The following NR1D2 variants were observed in gnomAD, a reference collection of about 807,000 sequenced individuals.
The protein encoded by NR1D2 is nuclear receptor subfamily 1 group D member 2.
Under a neutral mutation model 52.2 loss-of-function variants are expected in NR1D2, and 25 were observed. The observed-to-expected ratio is 0.48, with a 90% CI of 0.35 to 0.67. The LOEUF (loss-of-function observed/expected upper bound fraction) is 0.67. Ranked by LOEUF, NR1D2 falls within the 30% of genes least tolerant of loss-of-function variation. The pLI is 0.01. For synonymous variants in NR1D2, 259 were observed against 230.1 expected, an observed-to-expected ratio of 1.13 and a Z score of -1.14; for missense variants, 681 against 707.2, an observed-to-expected ratio of 0.96 and a Z score of 0.42.
Position 23,978,212 on chromosome 3 carries a change from A to G in NR1D2, c.*793A>G, listed in dbSNP as rs559764503. The stretch of plus-strand genomic sequence containing the variant: ...CGTATTCAAAGTTTATGGGTACAAC[A>G]AAGACATAGTACATGTACATAATAT... On this transcript the variant is annotated 3_prime_UTR_variant, in exon 8 of 8. Coordinates refer to ENST00000312521, the MANE Select transcript of NR1D2 (RefSeq NM_005126.5). The G allele has an allele frequency of 2.1e-4, 32 of 152,320 alleles. No homozygotes were observed. The South Asian group carries it at 6.2e-3, about 30-fold the overall frequency. The allele number at this position is 152,320 out of a possible 1,614,324, so 9.4% of individuals were successfully genotyped here.
At chr3:23,956,207 A>G in intron 3 of NR1D2, 82 bp downstream of exon 3, 1 of 1,073,696 alleles carries the variant, frequency 9.3e-7, no homozygotes, top group East Asian at 2.4e-5. Flanking sequence ...TGTGCAATTG[A>G]TAGTCTGAGA....
At chr3:23,949,369 A>G (rs1030870276) in intron 1 of NR1D2, among the ~76,000 whole-genome samples, 1 of 152,016 alleles carries the variant, frequency 6.6e-6, no homozygotes, top group African/African-American at 2.4e-5. Flanking sequence ...CGTCTGAAAA[A>G]AAAAAACAAC....
In NR1D2 at chr3:23,958,819, C is replaced by T. The variant is rs532610437; in HGVS notation, c.373-852C>T. Among the ~76,000 whole-genome samples the T allele has an allele frequency of 4.0e-5, 6 of 151,718 alleles. No homozygotes were observed. In the East Asian group the frequency reaches 5.8e-4, roughly 15 times the overall value. ...AAAAAATTAGCCAGGTATGGTGGCACGTGCCTGTAATCCCAGCTACTGGGG... is the reference window on the plus strand; with the variant it reads ...AAAAAATTAGCCAGGTATGGTGGCATGTGCCTGTAATCCCAGCTACTGGGG... On this transcript the variant is annotated intron_variant, in intron 3 of 7. Transcript: ENST00000312521.
chr3:23,950,557 G>C (rs1251957435), intron 1 of NR1D2, among the ~76,000 whole-genome samples: 1 of 152,202 alleles, frequency 6.6e-6, no homozygotes, highest in Non-Finnish European at 1.5e-5. Context: ...CATTTGGGTT[G>C]CTATCAGTCA....
rs1167051032 is a variant in NR1D2 at position 23,977,978 on chromosome 3, C to T, written c.*559C>T. 1 of 152,182 alleles carries T rather than the reference C, an allele frequency of 6.6e-6. No individual in the cohort carries two copies. The highest frequency in any genetic ancestry group is 1.5e-5 in the Non-Finnish European group (1 of 68,048). The allele number at this position is 152,182 out of a possible 1,614,324, so 9.4% of individuals were successfully genotyped here. A position where few individuals can be genotyped will look rare whatever the true frequency, so the allele number is the denominator to read the frequency against. ...ATTGATGGTGTCCCCAATGCCCCAC[C>T]TCACAGAGTTACTAAAAAATGTCTG... On this transcript the variant is annotated 3_prime_UTR_variant, in exon 8 of 8. Transcript: ENST00000312521.
At chr3:23,966,900 T>C (rs768890525) in intron 6 of NR1D2, among the ~76,000 whole-genome samples, 39 of 151,972 alleles carry the variant, frequency 2.6e-4, no homozygotes, top group Admixed American at 3.9e-4. Flanking sequence ...TGTGGTGGTA[T>C]GTATTTGTAT....
rs1392203516 is a variant in NR1D2 at position 23,954,823 on chromosome 3, T to G, written c.283+20T>G. On this transcript the variant is annotated intron_variant, in intron 2 of 7. Transcript: ENST00000312521. ...TGACAAGTAAGTTACTTTGGTTTTC[T>G]AAAGATTGCTGCCATTAATTGCAAA... 2 of 1,606,512 alleles carry G rather than the reference T, an allele frequency of 1.2e-6. No homozygotes were observed. The highest frequency in any genetic ancestry group is 1.7e-6 in the Non-Finnish European group (2 of 1,174,394).
In NR1D2 at chr3:23,956,031, T is replaced by A. The variant is rs1227116719; in HGVS notation, c.284-6T>A. ...ACTTTTTACTTCGTGTCCTTTTGTG[T>A]CCTAGAATTTAGTGGCATGGTTCTA... is the stretch of plus-strand genomic sequence containing the variant. On this transcript the variant is annotated splice_polypyrimidine_tract_variant and splice_region_variant and intron_variant, in intron 2 of 7. Coordinates refer to ENST00000312521, the MANE Select transcript of NR1D2 (RefSeq NM_005126.5). 1.2e-6 allele frequency: 2 copies of A among 1,609,816 alleles called. No individual in the cohort carries two copies. The highest frequency in any genetic ancestry group is 1.7e-6 in the Non-Finnish European group (2 of 1,176,326).
Position 23,956,039 on chromosome 3 carries a change from T to A in NR1D2, c.286T>A (p.Phe96Ile), listed in dbSNP as rs1297091195. The A allele has an allele frequency of 6.2e-7, 1 of 1,612,744 alleles. No individual in the cohort carries two copies. The highest frequency in any genetic ancestry group is 2.2e-5 in the East Asian group (1 of 44,870). The change falls in exon 3 of 8, where the codon TTT becomes ATT. Residue 96 changes from phenylalanine (F) to isoleucine (I), a missense_variant and splice_region_variant. Coordinates refer to ENST00000312521, the MANE Select transcript of NR1D2 (RefSeq NM_005126.5). ...CTTCGTGTCCTTTTGTGTCCTAGAA[T>A]TTAGTGGCATGGTTCTACTGTGTAA... Reference protein sequence around the residue: ...MTKSHSGVTKFSGMVLLCKVC... With the variant: ...MTKSHSGVTKISGMVLLCKVC...
rs1575165098 is a variant in NR1D2, at chr3:23,980,606, A to C, written c.*3187A>C. The C allele has an allele frequency of 6.6e-6, 1 of 152,052 alleles. No homozygotes were observed. 9.4% of individuals were successfully genotyped at this position (152,052 alleles called of 1,614,324 possible). The stretch of plus-strand genomic sequence containing the variant: ...TATGTGGGGGGAGGGGATAATAAAT[A>C]TTTCTAACCAACTGTGGTGTTTGGT... On this transcript the variant is annotated 3_prime_UTR_variant, in exon 8 of 8. Transcript: ENST00000312521.
At chr3:23,957,444 C>T (rs1299412502) in intron 3 of NR1D2, among the ~76,000 whole-genome samples, 7 of 118,938 alleles carry the variant, frequency 5.9e-5, no homozygotes, top group African/African-American at 1.0e-4. Context: ...AGGCCAGGTG[C>T]GGTGGCTCAC....
In NR1D2 at chr3:23,977,600, C is replaced by T. The variant is rs186941880; in HGVS notation, c.*181C>T. 21 of 420,688 alleles carry T rather than the reference C, an allele frequency of 5.0e-5. No homozygotes were observed. Among genetic ancestry groups the T allele is most frequent in the East Asian group, 4.9e-4 (14 of 28,762 alleles). The allele number at this position is 420,688 out of a possible 1,614,324, so 26.1% of individuals were successfully genotyped here. On this transcript the variant is annotated 3_prime_UTR_variant, in exon 8 of 8. Coordinates refer to ENST00000312521, the MANE Select transcript of NR1D2 (RefSeq NM_005126.5). ...TGAGAACTCTTCAGCCATGATTAGA[C>T]GTTGACTGCATCTCCCTGATAGACC...
chr3:23,956,732 C>T (rs1706089946), intron 3 of NR1D2, among the ~76,000 whole-genome samples: 1 of 152,150 alleles, frequency 6.6e-6, no homozygotes, highest in Non-Finnish European at 1.5e-5. Flanking sequence ...TCAAATAATT[C>T]CAAGTGAGAT....
chr3:23,956,014 C>T, intron 2 of NR1D2, 23 bp from the exon 3 acceptor site: 2 of 1,569,484 alleles, frequency 1.3e-6, no homozygotes, highest in East Asian at 2.2e-5. Flanking sequence ...CTACTTTTTA[C>T]TTCGTGTCCT....
chr3:23,945,614 G>A lies in NR1D2; in HGVS notation c.16+20G>A. 8.5e-7 allele frequency: 1 copy of A among 1,177,868 alleles called. No individual in the cohort carries two copies. The highest frequency in any genetic ancestry group is 1.1e-6 in the Non-Finnish European group (1 of 946,190). 73.0% of individuals were successfully genotyped at this position (1,177,868 alleles called of 1,614,324 possible). A position where few individuals can be genotyped will look rare whatever the true frequency, so the allele number is the denominator to read the frequency against. On this transcript the variant is annotated intron_variant, in intron 1 of 7. Transcript: ENST00000312521. The stretch of plus-strand genomic sequence containing the variant: ...ATGCAGGTAAGAACCGGACTGCGGC[G>A]GGTGGGGGATGGCCGGAGGGAGCGC...
intron 7 of NR1D2, among the ~76,000 whole-genome samples, chr3:23,969,830 A>G (rs553315201): frequency 6.6e-6 from 1 of 152,260 alleles, no homozygotes; most frequent in Admixed American, 6.5e-5. Context: ...CTCTGTGGGG[A>G]AAGATAGAAG....
chr3:23,959,525 G>C, intron 3 of NR1D2, 146 bp from the exon 4 acceptor site: 2 of 680,168 alleles, frequency 2.9e-6, no homozygotes, highest in Non-Finnish European at 2.4e-6. Flanking sequence ...ATTTCCCTCT[G>C]TCCTAAGACA....
chr3:23,970,144 T>G (rs560962244), intron 7 of NR1D2, among the ~76,000 whole-genome samples: 55 of 152,330 alleles, frequency 3.6e-4, no homozygotes, highest in African/African-American at 1.3e-3. Flanking sequence ...TTCTGCATTT[T>G]TATTGTGGTG....
chr3:23,966,884 G>GC (rs1706462599), intron 6 of NR1D2, among the ~76,000 whole-genome samples: 1 of 152,046 alleles, frequency 6.6e-6, no homozygotes, highest in Non-Finnish European at 1.5e-5. Context: ...ACAAAAATTA[G>GC]CTGGGTGTGG....
Sources: allele counts gnomAD v4.1 joint callset (sites outside exome capture counted in the v4.1 genomes callset), GRCh38; gene constraint gnomAD v4.1.1; transcripts MANE v1.5; gene names NCBI Gene and HGNC (gene_info 2026-07-23, HGNC 2026-07-21).